Variants in SERPINF1 observed in about 807,000 individuals in gnomAD.
The protein encoded by SERPINF1 is pigment epithelium-derived factor.
Under a neutral mutation model 37.3 loss-of-function variants are expected in SERPINF1, and 29 were observed. The observed-to-expected ratio is 0.78, with a 90% CI of 0.58 to 1.06. SERPINF1 has a LOEUF of 1.06. Ranked by LOEUF, SERPINF1 falls within the 50% of genes least tolerant of loss-of-function variation. SERPINF1 has a pLI of 0.00. For missense variants in SERPINF1, 553 were observed against 532.2 expected (o/e 1.04, Z -0.38); for synonymous variants, 281 against 227.9 (o/e 1.23, Z -2.10).
Position 1,770,026 on chromosome 17 carries a change from A to ACGGCCCTCT in SERPINF1, c.271_279dup (p.Ala91_Ser93dup), listed in dbSNP as rs758551389. On this transcript the variant is annotated inframe_insertion, in exon 3 of 8. Transcript: ENST00000254722. ...GCTCCTGTCTCCTCTCAGTGTGGCC[A>ACGGCCCTCT]CGGCCCTCTCGGCCCTCTCGCTGGG... 49 of 1,614,208 alleles carry ACGGCCCTCT rather than the reference A, an allele frequency of 3.0e-5. No individual in the cohort carries two copies. The highest frequency in any genetic ancestry group is 8.9e-5 in the East Asian group (4 of 44,884).
At position 1,777,198 on chromosome 17, in the gene SERPINF1, T is replaced by C; in HGVS notation, c.1009T>C (p.Leu337=). 1 of 1,614,134 alleles carries C rather than the reference T, an allele frequency of 6.2e-7. No individual in the cohort carries two copies. Among genetic ancestry groups the C allele is most frequent in the Non-Finnish European group, 8.5e-7 (1 of 1,180,032 alleles). The change falls in exon 8 of 8, where the codon TTG becomes CTG. Residue 337 remains leucine, a synonymous_variant. Coordinates refer to ENST00000254722, the MANE Select transcript of SERPINF1 (RefSeq NM_002615.7). The part of the protein sequence containing the change: ...KSLQEMKLQS[L]FDSPDFSKIT... The stretch of plus-strand genomic sequence containing the variant: ...CTCCATCTCTACAGAGCTGCAATCC[T>C]TGTTTGATTCACCAGACTTTAGCAA...
rs1363864717 is a variant in SERPINF1 at position 1,771,700 on chromosome 17, CT to C, written c.440-171del. The stretch of plus-strand genomic sequence containing the variant: ...CGATGTGGGGAAATCTGCTGCCCCC[CT>C]GGCCAGTGCCTGGGGATGCCAGCAG... On this transcript the variant is annotated intron_variant, in intron 4 of 7. Transcript: ENST00000254722. The C allele has an allele frequency of 7.0e-5, 49 of 695,214 alleles. 1 individual carries two copies. The East Asian group carries it at 1.3e-3, about 18-fold the overall frequency. 43.1% of individuals were successfully genotyped at this position (695,214 alleles called of 1,614,324 possible). A position where few individuals can be genotyped will look rare whatever the true frequency, so the allele number is the denominator to read the frequency against.
At chr17:1,774,287 C>A (rs530602281) in intron 5 of SERPINF1, among the ~76,000 whole-genome samples, 1 of 152,260 alleles carries the variant, frequency 6.6e-6, no homozygotes, top group East Asian at 1.9e-4. Context: ...CCTCTGGCTC[C>A]CAGGTTCAAG....
At chr17:1,764,975 C>T (rs1245575817) in intron 1 of SERPINF1, among the ~76,000 whole-genome samples, 2 of 151,120 alleles carry the variant, frequency 1.3e-5, no homozygotes, top group Non-Finnish European at 2.9e-5. Flanking sequence ...TCCCAAGTAG[C>T]TGGGATTACA....
chr17:1,777,133 T>A (rs1400139917), intron 7 of SERPINF1, 54 bp from the exon 8 acceptor site: 2 of 1,613,230 alleles, frequency 1.2e-6, no homozygotes, highest in Non-Finnish European at 1.7e-6. Flanking sequence ...GATCCCTTGG[T>A]TGGGGTGTTG....
intron 2 of SERPINF1, chr17:1,769,584 AC>A (rs1484560658): frequency 3.8e-6 from 2 of 519,890 alleles, no homozygotes; most frequent in Non-Finnish European, 7.0e-6. Context: ...AGATCGCGCC[AC>A]TGAACTCTAG....
At chr17:1,770,784 G>A in intron 3 of SERPINF1, 1 of 489,030 alleles carries the variant, frequency 2.0e-6, no homozygotes, top group Non-Finnish European at 3.8e-6. Context: ...GGCTATGATG[G>A]GAGAAGTACA....
Position 1,776,559 on chromosome 17 carries a change from A to G in SERPINF1, c.814A>G (p.Met272Val). Reference sequence around the variant, plus strand: ...TGCCCAGCTGCCCTTGACCGGAAGCATGAGTATCATCTTCTTCCTGCCCCT... The same window carrying G: ...TGCCCAGCTGCCCTTGACCGGAAGCGTGAGTATCATCTTCTTCCTGCCCCT... ...KIAQLPLTGSMSIIFFLPLKV... is the reference protein window; with the variant it reads ...KIAQLPLTGSVSIIFFLPLKV... Residue 272 changes from methionine (M) to valine (V), a missense_variant, in exon 7 of 8, where the codon ATG becomes GTG. Met to Val is a conservative substitution (Grantham distance 21). Transcript: ENST00000254722. 6.2e-7 allele frequency: 1 copy of G among 1,614,014 alleles called. No homozygotes were observed. The highest frequency in any genetic ancestry group is 1.1e-5 in the South Asian group (1 of 91,068).
rs531558071 is a variant in SERPINF1, at chr17:1,765,868, CAAA to C, written c.-8-1016_-8-1014del. Among the ~76,000 whole-genome samples, 9 of 112,778 alleles carry C rather than the reference CAAA, an allele frequency of 8.0e-5. No homozygotes were observed. The South Asian group carries it at 8.9e-4, about 11-fold the overall frequency. The allele number at this position is 112,778 out of a possible 152,430, so 74.0% of individuals were successfully genotyped here. ...GGCAGCACAGCAAGATCTTGTCTCC[CAAA>C]AAAAAAAAAAAAAAAAAATTTCAAA... On this transcript the variant is annotated intron_variant, in intron 1 of 7. Coordinates refer to ENST00000254722, the MANE Select transcript of SERPINF1 (RefSeq NM_002615.7).
chr17:1,777,493 A>C lies in SERPINF1; in HGVS notation c.*47A>C. 1 of 1,612,914 alleles carries C rather than the reference A, an allele frequency of 6.2e-7. No individual in the cohort carries two copies. Among genetic ancestry groups the C allele is most frequent in the South Asian group, 1.1e-5 (1 of 90,992 alleles). On this transcript the variant is annotated 3_prime_UTR_variant, in exon 8 of 8. Transcript: ENST00000254722. ...TACCCTAGAAGAAAACCCGAGGGACAGCAGATTCCACAGGACACGAAGGCT... is the reference window on the plus strand; with the variant it reads ...TACCCTAGAAGAAAACCCGAGGGACCGCAGATTCCACAGGACACGAAGGCT...
intron 1 of SERPINF1, among the ~76,000 whole-genome samples, chr17:1,764,236 C>CT (rs774534665): frequency 3.9e-5 from 6 of 152,250 alleles, no homozygotes; most frequent in Non-Finnish European, 7.3e-5. Flanking sequence ...TAATTTCTTA[C>CT]TTGGGCCAGA....
Position 1,765,832 on chromosome 17 carries a change from A to G in SERPINF1, c.-8-1071A>G, listed in dbSNP as rs1567751951. Reference sequence around the variant, plus strand: ...TGGTTGTGTAGTGAATAGCCACTACACTCCAGCCTGGGCAGCACAGCAAGA... The same window carrying G: ...TGGTTGTGTAGTGAATAGCCACTACGCTCCAGCCTGGGCAGCACAGCAAGA... On this transcript the variant is annotated intron_variant, in intron 1 of 7. Transcript: ENST00000254722. 4.2e-5 allele frequency among the ~76,000 whole-genome samples: 6 copies of G among 142,954 alleles called. No individual in the cohort carries two copies. The South Asian group carries it at 1.3e-3, about 32-fold the overall frequency. 93.8% of individuals were successfully genotyped at this position (142,954 alleles called of 152,430 possible).
At position 1,775,059 on chromosome 17, in the gene SERPINF1, G is replaced by C. The variant is rs140414882; in HGVS notation, c.645G>C (p.Gly215=). The C allele has an allele frequency of 2.7e-4, 436 of 1,614,006 alleles. No homozygotes were observed. The highest frequency in any genetic ancestry group is 3.2e-4 in the Non-Finnish European group (380 of 1,180,034). ...ILLLGVAHFK[G]QWVTKFDSRK... is the part of the protein sequence containing the mutation. ...ACTATGTCATACACTTCTTTCCAGG[G>C]CAGTGGGTAACAAAGTTTGACTCCA... Residue 215 remains glycine, a splice_region_variant and synonymous_variant, in exon 6 of 8, where the codon GGG becomes GGC. Coordinates refer to ENST00000254722, the MANE Select transcript of SERPINF1 (RefSeq NM_002615.7).
At chr17:1,770,917 C>G in intron 3 of SERPINF1, 112 bp from the exon 4 acceptor site, 1 of 1,342,686 alleles carries the variant, frequency 7.4e-7, no homozygotes, top group Non-Finnish European at 1.1e-6. Context: ...GATCAGCCTA[C>G]TTGGGCTCTC....
Position 1,774,685 on chromosome 17 carries a change from C to G in SERPINF1, c.644-373C>G, listed in dbSNP as rs910656442. On this transcript the variant is annotated intron_variant, in intron 5 of 7. Coordinates refer to ENST00000254722, the MANE Select transcript of SERPINF1 (RefSeq NM_002615.7). ...TCATGTTGGCCAGGCTGGTCTCAAACTCCTGACCTCAAGTGATCCACCCAC... is the reference window on the plus strand; with the variant it reads ...TCATGTTGGCCAGGCTGGTCTCAAAGTCCTGACCTCAAGTGATCCACCCAC... 2.0e-5 allele frequency among the ~76,000 whole-genome samples: 3 copies of G among 152,228 alleles called. 1 individual carries two copies. In the East Asian group the frequency reaches 5.8e-4, roughly 29 times the overall value.
chr17:1,765,354 T>C (rs11656349), intron 1 of SERPINF1, among the ~76,000 whole-genome samples: 43,141 of 151,230 alleles, frequency 0.29, 7,050 homozygotes, highest in Non-Finnish European at 0.38. Flanking sequence ...GACTAAGTCT[T>C]GCTCTGTTGC....
chr17:1,768,976 T>G (rs1447224811), intron 2 of SERPINF1, among the ~76,000 whole-genome samples: 1 of 151,624 alleles, frequency 6.6e-6, no homozygotes, highest in Non-Finnish European at 1.5e-5. Flanking sequence ...CCGTTAATTT[T>G]TTTGTATTTT....
At chr17:1,768,069 G>GC (rs1441209437) in intron 2 of SERPINF1, among the ~76,000 whole-genome samples, 2 of 151,966 alleles carry the variant, frequency 1.3e-5, no homozygotes, top group Non-Finnish European at 2.9e-5. Context: ...AGGCGTGGTG[G>GC]CAAGTGCTTG....
rs939761040 is a variant in SERPINF1, at chr17:1,777,491, A to G, written c.*45A>G. The G allele has an allele frequency of 2.5e-6, 4 of 1,612,962 alleles. No homozygotes were observed. Among genetic ancestry groups the G allele is most frequent in the Non-Finnish European group, 3.4e-6 (4 of 1,179,692 alleles). On this transcript the variant is annotated 3_prime_UTR_variant, in exon 8 of 8. Coordinates refer to ENST00000254722, the MANE Select transcript of SERPINF1 (RefSeq NM_002615.7). ...AATACCCTAGAAGAAAACCCGAGGGACAGCAGATTCCACAGGACACGAAGG... is the reference window on the plus strand; with the variant it reads ...AATACCCTAGAAGAAAACCCGAGGGGCAGCAGATTCCACAGGACACGAAGG...
Sources: gnomAD v4.1 joint callset for allele counts (sites outside exome capture counted in the v4.1 genomes callset) on GRCh38, gnomAD v4.1.1 for gene constraint, MANE v1.5 for transcripts, NCBI Gene and HGNC (gene_info 2026-07-23, HGNC 2026-07-21) for gene names.